The following IQSEC1 variants were observed in gnomAD, a reference collection of about 807,000 sequenced individuals.
The protein encoded by IQSEC1 is IQ motif and SEC7 domain-containing protein 1.
IQSEC1 carries 31 observed loss-of-function variants against 91.0 expected under a neutral mutation model. That is an observed-to-expected ratio of 0.34 (90% confidence interval 0.26 to 0.46). The LOEUF (loss-of-function observed/expected upper bound fraction) is 0.46, where lower values mean the gene tolerates loss of function less well. Ranked by LOEUF, IQSEC1 falls within the 20% of genes least tolerant of loss-of-function variation. The pLI, the probability that IQSEC1 is intolerant of heterozygous loss-of-function variation, is 1.00. For synonymous variants in IQSEC1, 699 were observed against 662.6 expected, an observed-to-expected ratio of 1.05 and a Z score of -0.84; for missense variants, 1,388 against 1,575.6, an observed-to-expected ratio of 0.88 and a Z score of 2.02.
At chr3:12,974,906 C>T (rs1181235708) in intron 1 of IQSEC1, among the ~76,000 whole-genome samples, 4 of 152,216 alleles carry the variant, frequency 2.6e-5, no homozygotes, top group African/African-American at 7.2e-5. Context: ...TTGCAGCTGT[C>T]GCCCCTGAGC....
At chr3:13,200,014 G>A (rs1170149133) in intron 1 of IQSEC1, among the ~76,000 whole-genome samples, 2 of 129,890 alleles carry the variant, frequency 1.5e-5, no homozygotes, top group African/African-American at 3.0e-5. Flanking sequence ...ACACACACAC[G>A]CCACATGTAC....
At chr3:12,943,558 C>T (rs1463809961) in intron 1 of IQSEC1, among the ~76,000 whole-genome samples, 1 of 152,228 alleles carries the variant, frequency 6.6e-6, no homozygotes, top group Non-Finnish European at 1.5e-5. Flanking sequence ...GGAGGTCCCA[C>T]TAGATGGGCA....
In IQSEC1 at chr3:12,930,635, C is replaced by A. The variant is rs76738000; in HGVS notation, c.1568+4813G>T. Among the ~76,000 whole-genome samples, 421 of 152,344 alleles carry A rather than the reference C, an allele frequency of 2.8e-3. 2 individuals are homozygous for A. Among genetic ancestry groups the A allele is most frequent in the African/African-American group, 9.2e-3 (383 of 41,576 alleles). On this transcript the variant is annotated intron_variant, in intron 3 of 13. Transcript: ENST00000613206. ...CTGCCCTGGGTCAGGGAGGATCTGG[C>A]AAGGGGCAGGGCCAACCCTAAGCCA...
At chr3:13,121,263 C>T (rs1355482426) in intron 2 of IQSEC1, among the ~76,000 whole-genome samples, 5 of 152,200 alleles carry the variant, frequency 3.3e-5, no homozygotes, top group Non-Finnish European at 7.3e-5. Context: ...AAATAGTTAC[C>T]GTCTGGCCCT....
At chr3:13,267,639 A>T (rs1695516847) in intron 1 of IQSEC1, among the ~76,000 whole-genome samples, 1 of 141,518 alleles carries the variant, frequency 7.1e-6, no homozygotes, top group Admixed American at 7.3e-5. Flanking sequence ...TTTTTTTTAG[A>T]CAGAGTCTCG....
rs577679267 is a variant in IQSEC1, at chr3:13,211,816, G to C, written c.273-47683C>G. Among the ~76,000 whole-genome samples, 1 of 152,146 alleles carries C rather than the reference G, an allele frequency of 6.6e-6. No homozygotes were observed. Among genetic ancestry groups the C allele is most frequent in the Non-Finnish European group, 1.5e-5 (1 of 68,028 alleles). On this transcript the variant is annotated intron_variant, in intron 1 of 15. Coordinates refer to the IQSEC1 transcript ENST00000648114. The surrounding 1 kb of genome is among the most constrained non-coding windows in gnomAD (Gnocchi z 5.3). The stretch of plus-strand genomic sequence containing the variant: ...GCAGATGAAATCCCTAAAAGCCCAC[G>C]GCAAATGCCGCACCCTCCATGCAGC...
At chr3:13,090,135 G>A (rs1376500515) in intron 2 of IQSEC1, among the ~76,000 whole-genome samples, 1 of 151,770 alleles carries the variant, frequency 6.6e-6, no homozygotes, top group African/African-American at 2.4e-5. Context: ...GGAGAATGGC[G>A]TGAACCTGGG....
chr3:13,134,871 C>T (rs1706681739), intron 2 of IQSEC1, among the ~76,000 whole-genome samples: 1 of 152,154 alleles, frequency 6.6e-6, no homozygotes, highest in Non-Finnish European at 1.5e-5. Context: ...GGAGGGTGTC[C>T]TCTGGGGGTC....
chr3:13,100,509 C>T (rs1159677673), intron 2 of IQSEC1, among the ~76,000 whole-genome samples: 1 of 148,802 alleles, frequency 6.7e-6, no homozygotes, highest in African/African-American at 2.5e-5. Flanking sequence ...ACTTCCTGAA[C>T]ACCTCCTTGA....
At chr3:13,067,146 G>T (rs990478892) in intron 1 of IQSEC1, among the ~76,000 whole-genome samples, 2 of 152,234 alleles carry the variant, frequency 1.3e-5, no homozygotes, top group Non-Finnish European at 2.9e-5. Context: ...GTGGGCCAGG[G>T]CCTCAGAGAC....
intron 1 of IQSEC1, among the ~76,000 whole-genome samples, chr3:13,168,855 C>T (rs1400876667): frequency 6.6e-6 from 1 of 152,190 alleles, no homozygotes; most frequent in Admixed American, 6.5e-5. Flanking sequence ...CCCTGGCCCC[C>T]CAGATTCTCT....
Position 13,176,834 on chromosome 3 carries a change from G to A in IQSEC1, c.273-12701C>T, listed in dbSNP as rs1007880434. Among the ~76,000 whole-genome samples the A allele has an allele frequency of 5.9e-5, 9 of 152,218 alleles. 1 individual carries two copies. Among genetic ancestry groups the A allele is most frequent in the Non-Finnish European group, 1.2e-4 (8 of 68,042 alleles). ...GCGAGGAAGAACCAAAAAACCATCA[G>A]CTCGGTACAGATAGGGAAATCTGTT... On this transcript the variant is annotated intron_variant, in intron 1 of 15. Transcript: ENST00000648114.
intron 1 of IQSEC1, among the ~76,000 whole-genome samples, chr3:13,024,309 T>C (rs143019619): frequency 3.0e-4 from 45 of 152,168 alleles, no homozygotes; most frequent in Admixed American, 8.5e-4. Context: ...ATCCATTCAT[T>C]TATCCCCTCA....
upstream of IQSEC1, among the ~76,000 whole-genome samples, chr3:13,074,616 A>C (rs1705532405): frequency 6.6e-6 from 1 of 152,240 alleles, no homozygotes. Context: ...AGGTTCAGCA[A>C]CTGGCCCAAG....
At chr3:13,015,759 C>T in intron 1 of IQSEC1, 1 of 984,582 alleles carries the variant, frequency 1.0e-6, no homozygotes, top group Non-Finnish European at 1.2e-6. Flanking sequence ...ACCCTGGGGC[C>T]CCCGCCCACC....
At chr3:13,043,080 C>G (rs1463669733) in intron 1 of IQSEC1, among the ~76,000 whole-genome samples, 2 of 152,272 alleles carry the variant, frequency 1.3e-5, no homozygotes, top group African/African-American at 4.8e-5. Flanking sequence ...GACGGGGACA[C>G]ATTGATAAAA....
At chr3:13,020,071 C>T (rs1182743099) in intron 1 of IQSEC1, among the ~76,000 whole-genome samples, 1 of 152,238 alleles carries the variant, frequency 6.6e-6, no homozygotes, top group African/African-American at 2.4e-5. Flanking sequence ...TGCATTCTGT[C>T]AACAAGCCCT....
At chr3:13,162,207 T>C (rs1256200051) in intron 2 of IQSEC1, among the ~76,000 whole-genome samples, 2 of 152,212 alleles carry the variant, frequency 1.3e-5, no homozygotes, top group African/African-American at 4.8e-5. Flanking sequence ...CACCATGAAC[T>C]TTCACAGAAT....
At chr3:12,962,846 G>A (rs971658862) in intron 1 of IQSEC1, among the ~76,000 whole-genome samples, 2 of 152,242 alleles carry the variant, frequency 1.3e-5, no homozygotes, top group African/African-American at 4.8e-5. Flanking sequence ...GGAAGGCCCG[G>A]TGAGTGGTCA....
Sources: allele counts gnomAD v4.1 joint callset (sites outside exome capture counted in the v4.1 genomes callset), GRCh38; gene constraint gnomAD v4.1.1; non-coding constraint Gnocchi (gnomAD v3.1); transcripts MANE v1.5; gene names NCBI Gene and HGNC (gene_info 2026-07-23, HGNC 2026-07-21).